SLC24A2: variants seen among roughly 807,000 people sequenced by gnomAD.
SLC24A2 encodes the protein sodium/potassium/calcium exchanger 2.
In SLC24A2, 36 loss-of-function variants were observed where a neutral mutation model predicts 62.0. The ratio of observed to expected loss-of-function variants is 0.58; its 90% CI spans 0.44 to 0.77. SLC24A2 has a LOEUF of 0.77. Among genes scored for constraint, SLC24A2 ranks in the 30% least tolerant of loss-of-function variants. SLC24A2 has a pLI of 0.00. For synonymous variants in SLC24A2, 358 were observed against 294.0 expected (o/e 1.22, Z -2.23); for missense variants, 846 against 817.9 (o/e 1.03, Z -0.42).
At chr9:20,195,836 T>C in the SLC24A2 span, among the ~76,000 whole-genome samples, 1 of 115,778 alleles carries the variant, frequency 8.6e-6, no homozygotes, top group Non-Finnish European at 1.7e-5. Flanking sequence ...TATACAAGAT[T>C]AAAAGAAAAA....
chr9:19,583,871 A>G (rs934926187), intron 5 of SLC24A2, among the ~76,000 whole-genome samples: 1 of 152,198 alleles, frequency 6.6e-6, no homozygotes, highest in African/African-American at 2.4e-5. Context: ...CATAAAGATC[A>G]GGGCAGGGAA....
chr9:20,045,330 G>A, the SLC24A2 span, among the ~76,000 whole-genome samples: 39 of 152,136 alleles, frequency 2.6e-4, no homozygotes, highest in African/African-American at 9.4e-4. Context: ...TACTAGGTGG[G>A]GAGTCTCCCT....
chr9:20,092,144 C>G, the SLC24A2 span, among the ~76,000 whole-genome samples: 27 of 152,188 alleles, frequency 1.8e-4, no homozygotes, highest in Non-Finnish European at 3.2e-4. Flanking sequence ...CTATTGGTTA[C>G]TCGGCTTAGT....
At position 19,701,983 on chromosome 9, in the gene SLC24A2, T is replaced by C. The variant is rs182143030; in HGVS notation, c.931-79684A>G. 1.4e-3 allele frequency among the ~76,000 whole-genome samples: 213 copies of C among 152,310 alleles called. 6 individuals are homozygous for C. Among genetic ancestry groups the C allele is most frequent in the Admixed American group, 0.013 (202 of 15,292 alleles). On this transcript the variant is annotated intron_variant, in intron 2 of 10. Transcript: ENST00000341998. ...AACGATAACAAAGTTACAAGGTACATAGAGTCAGAATCTCTTGTTTTTCAT... is the reference window on the plus strand; with the variant it reads ...AACGATAACAAAGTTACAAGGTACACAGAGTCAGAATCTCTTGTTTTTCAT...
intron 2 of SLC24A2, among the ~76,000 whole-genome samples, chr9:19,775,406 C>T (rs1822815909): frequency 6.6e-6 from 1 of 152,202 alleles, no homozygotes; most frequent in Admixed American, 6.5e-5. Flanking sequence ...GCCTTTTTTA[C>T]TCTGCAATCG....
At chr9:20,139,632 T>G in the SLC24A2 span, among the ~76,000 whole-genome samples, 1 of 152,222 alleles carries the variant, frequency 6.6e-6, no homozygotes, top group Non-Finnish European at 1.5e-5. Context: ...TGCTGTGCTG[T>G]GTGCTGGGGT....
chr9:19,585,661 C>T (rs1238220994), intron 5 of SLC24A2, among the ~76,000 whole-genome samples: 4 of 152,128 alleles, frequency 2.6e-5, no homozygotes, highest in Non-Finnish European at 4.4e-5. Flanking sequence ...CTATAGCTGT[C>T]TTTATCTGTT....
the SLC24A2 span, among the ~76,000 whole-genome samples, chr9:20,201,310 C>T: frequency 6.6e-6 from 1 of 152,186 alleles, no homozygotes; most frequent in Admixed American, 6.5e-5. Flanking sequence ...ACCAGCTTGC[C>T]AGGGAGGTAA....
the SLC24A2 span, among the ~76,000 whole-genome samples, chr9:20,198,608 T>C: frequency 1.0e-3 from 159 of 151,756 alleles, 1 homozygote; most frequent in Non-Finnish European, 1.9e-3. Context: ...GCTGGGTGGG[T>C]GTTGGGGAGA....
At chr9:19,643,838 G>A (rs1007411370) in intron 2 of SLC24A2, among the ~76,000 whole-genome samples, 2 of 152,160 alleles carry the variant, frequency 1.3e-5, no homozygotes, top group South Asian at 2.1e-4. Flanking sequence ...GTGCATCGAT[G>A]TACCCATCAT....
the SLC24A2 span, among the ~76,000 whole-genome samples, chr9:20,193,087 C>A: frequency 6.6e-6 from 1 of 152,006 alleles, no homozygotes; most frequent in Non-Finnish European, 1.5e-5. Context: ...TAGCAAGATC[C>A]CTGCTCTAGT....
chr9:20,165,825 A>C, the SLC24A2 span, among the ~76,000 whole-genome samples: 1 of 151,868 alleles, frequency 6.6e-6, no homozygotes, highest in Non-Finnish European at 1.5e-5. Flanking sequence ...TTGCATAAAA[A>C]ATAAACACAC....
At chr9:20,278,449 C>T in the SLC24A2 span, among the ~76,000 whole-genome samples, 1 of 152,046 alleles carries the variant, frequency 6.6e-6, no homozygotes, top group Non-Finnish European at 1.5e-5. Context: ...CTATCAGATA[C>T]CCTAAATCAC....
the SLC24A2 span, among the ~76,000 whole-genome samples, chr9:20,271,430 T>C: frequency 6.6e-6 from 1 of 152,322 alleles, no homozygotes; most frequent in East Asian, 1.9e-4. Flanking sequence ...TTTTGCCAGA[T>C]ATATGCTGCT....
At chr9:20,104,354 CA>C in the SLC24A2 span, among the ~76,000 whole-genome samples, 1 of 152,094 alleles carries the variant, frequency 6.6e-6, no homozygotes, top group African/African-American at 2.4e-5. Flanking sequence ...GAGAACGCCA[CA>C]AAGATACTCC....
intron 9 of SLC24A2, among the ~76,000 whole-genome samples, chr9:19,526,107 G>A (rs2132653930): frequency 6.6e-6 from 1 of 152,166 alleles, no homozygotes; most frequent in East Asian, 1.9e-4. Flanking sequence ...ATCATATGAT[G>A]TGTCCTTTTG....
chr9:20,051,517 C>A, the SLC24A2 span, among the ~76,000 whole-genome samples: 1 of 152,000 alleles, frequency 6.6e-6, no homozygotes, highest in South Asian at 2.1e-4. Flanking sequence ...GAGAACAGTA[C>A]TGCCAAGAAC....
the SLC24A2 span, among the ~76,000 whole-genome samples, chr9:19,909,306 G>C: frequency 6.6e-6 from 1 of 151,996 alleles, no homozygotes; most frequent in African/African-American, 2.4e-5. Flanking sequence ...CACAGGAAGG[G>C]GAACATCACA....
At chr9:20,102,516 A>G in the SLC24A2 span, among the ~76,000 whole-genome samples, 16,139 of 150,582 alleles carry the variant, frequency 0.11, 957 homozygotes, top group Middle Eastern at 0.16. Flanking sequence ...AAGGGGACAC[A>G]CAGCATAAGG....
Sources: allele counts gnomAD v4.1 joint callset (sites outside exome capture counted in the v4.1 genomes callset), GRCh38; gene constraint gnomAD v4.1.1; transcripts MANE v1.5; gene names NCBI Gene and HGNC (gene_info 2026-07-23, HGNC 2026-07-21).